Variants in RMND1 observed in about 807,000 individuals in gnomAD.
RMND1 encodes the protein required for meiotic nuclear division 1 homolog, also known as required for meiotic nuclear division protein 1 homolog.
RMND1 carries 41 observed loss-of-function variants against 54.0 expected under a neutral mutation model. That is an observed-to-expected ratio of 0.76 (90% CI 0.59 to 0.98). RMND1 has a LOEUF of 0.98. Among genes scored for constraint, RMND1 ranks in the 50% least tolerant of loss-of-function variants. The pLI, the probability that RMND1 is intolerant of heterozygous loss-of-function variation, is 0.00. For synonymous variants in RMND1, 183 were observed against 181.7 expected (o/e 1.01, Z -0.06); for missense variants, 457 against 532.0 (o/e 0.86, Z 1.39).
rs770737793 is a variant in RMND1 at position 151,450,726 on chromosome 6, A to C, written c.-15+1290T>G. On this transcript the variant is annotated intron_variant, in intron 1 of 11. Transcript: ENST00000444024. ...TACTCAACAGCTCATTGAGAACGGGACGGGATGACAATGGCGGTTTTGTGT... is the reference window on the plus strand; with the variant it reads ...TACTCAACAGCTCATTGAGAACGGGCCGGGATGACAATGGCGGTTTTGTGT... Among the ~76,000 whole-genome samples the C allele has an allele frequency of 2.1e-3, 326 of 151,760 alleles. 2 individuals carry two copies. Among genetic ancestry groups the C allele is most frequent in the Non-Finnish European group, 3.9e-3 (266 of 67,836 alleles).
At chr6:151,435,458 A>C (rs889600005) in intron 3 of RMND1, among the ~76,000 whole-genome samples, 1 of 151,830 alleles carries the variant, frequency 6.6e-6, no homozygotes, top group East Asian at 2.0e-4. Flanking sequence ...AATTATTTTT[A>C]ATTAATGTAA....
chr6:151,439,982 A>G (rs1780728952), intron 2 of RMND1, among the ~76,000 whole-genome samples: 1 of 151,866 alleles, frequency 6.6e-6, no homozygotes, highest in South Asian at 2.1e-4. Context: ...TTTGAGACGG[A>G]GTCTTCCTCT....
chr6:151,429,032 CTG>C (rs751941419), intron 5 of RMND1, among the ~76,000 whole-genome samples: 1 of 151,720 alleles, frequency 6.6e-6, no homozygotes, highest in Non-Finnish European at 1.5e-5. Context: ...CGACCACCTA[CTG>C]TGTGTGTTTC....
chr6:151,409,674 T>C (rs1419869818), intron 10 of RMND1, among the ~76,000 whole-genome samples: 7 of 152,116 alleles, frequency 4.6e-5, no homozygotes, highest in South Asian at 4.1e-4. Flanking sequence ...CGACGAGATA[T>C]GTAAATGAGG....
chr6:151,405,694 C>A (rs3757315), intron 11 of RMND1, 26 bp downstream of exon 11: 4 of 1,093,450 alleles, frequency 3.7e-6, no homozygotes, highest in Admixed American at 3.5e-5. Flanking sequence ...GGTAACTGAT[C>A]ATAGTACAGA....
chr6:151,436,878 A>G (rs542301347), intron 2 of RMND1: 4 of 160,534 alleles, frequency 2.5e-5, no homozygotes, highest in African/African-American at 1.1e-4. Flanking sequence ...AAGGCATCAC[A>G]TGGGTGACTG....
chr6:151,417,826 T>C (rs1286465413), intron 9 of RMND1, among the ~76,000 whole-genome samples: 1 of 151,864 alleles, frequency 6.6e-6, no homozygotes, highest in Non-Finnish European at 1.5e-5. Context: ...TTTTTTTTTT[T>C]TGAGACAGAG....
chr6:151,440,748 T>G (rs1280178068), intron 2 of RMND1, among the ~76,000 whole-genome samples: 1 of 152,214 alleles, frequency 6.6e-6, no homozygotes, highest in Non-Finnish European at 1.5e-5. Flanking sequence ...GACACTTTGT[T>G]TTGGTTTTGT....
At chr6:151,417,492 C>CTTTT in intron 9 of RMND1, 93 bp from the exon 10 acceptor site, 2 of 820,006 alleles carry the variant, frequency 2.4e-6, no homozygotes, top group East Asian at 3.5e-5. Context: ...TTTATGAAAA[C>CTTTT]TTTTTTTTTT....
In RMND1 at chr6:151,449,047, C is replaced by G. The variant is rs578129537; in HGVS notation, c.-15+2969G>C. Among the ~76,000 whole-genome samples the G allele has an allele frequency of 1.2e-4, 13 of 109,354 alleles. No individual in the cohort carries two copies. The East Asian group carries it at 3.8e-3, about 32-fold the overall frequency. The allele number at this position is 109,354 out of a possible 152,430, so 71.7% of individuals were successfully genotyped here. A position where few individuals can be genotyped will look rare whatever the true frequency, so the allele number is the denominator to read the frequency against. On this transcript the variant is annotated intron_variant, in intron 1 of 11. Transcript: ENST00000444024. ...CTGCACTCCAGAATGAGCAACAAAGCGAGACTCTGTCTCAAAAAAAAAAAA... is the reference window on the plus strand; with the variant it reads ...CTGCACTCCAGAATGAGCAACAAAGGGAGACTCTGTCTCAAAAAAAAAAAA...
chr6:151,412,293 C>T (rs567457451), intron 10 of RMND1, among the ~76,000 whole-genome samples: 488 of 152,126 alleles, frequency 3.2e-3, no homozygotes, highest in Middle Eastern at 0.014. Context: ...TGAGCCACCA[C>T]GACTGGCCAT....
At chr6:151,434,119 A>G (rs2114955494) in intron 3 of RMND1, among the ~76,000 whole-genome samples, 1 of 152,284 alleles carries the variant, frequency 6.6e-6, no homozygotes, top group East Asian at 1.9e-4. Flanking sequence ...AAAGTGCATT[A>G]CAAGCATGAG....
chr6:151,447,810 CTTTTTT>C (rs869136474), intron 1 of RMND1, among the ~76,000 whole-genome samples: 7 of 110,342 alleles, frequency 6.3e-5, no homozygotes, highest in Non-Finnish European at 1.1e-4. Flanking sequence ...TGAGTAAATT[CTTTTTT>C]TTTTTTTTTT....
At chr6:151,422,722 A>G (rs1360059836) in intron 7 of RMND1, 117 bp from the exon 8 acceptor site, 1 of 463,724 alleles carries the variant, frequency 2.2e-6, no homozygotes, top group African/African-American at 2.0e-5. Context: ...AAAAAGTACT[A>G]AAACCTTGAA....
At chr6:151,425,819 T>TA (rs1214762778) in intron 6 of RMND1, among the ~76,000 whole-genome samples, 1 of 152,210 alleles carries the variant, frequency 6.6e-6, no homozygotes, top group East Asian at 1.9e-4. Flanking sequence ...GGAAGGCACT[T>TA]ACTTAGAAAA....
intron 10 of RMND1, chr6:151,411,250 T>C (rs6921042): frequency 0.54 from 82,664 of 152,270 alleles, 25,099 homozygotes; most frequent in African/African-American, 0.82. Context: ...TGAGCCACCA[T>C]GCCCGGCCCT....
chr6:151,440,848 CT>C (rs1258606347), intron 2 of RMND1, among the ~76,000 whole-genome samples: 1 of 151,944 alleles, frequency 6.6e-6, no homozygotes, highest in Non-Finnish European at 1.5e-5. Context: ...ATTAAAGATG[CT>C]GTTGTTTTCT....
chr6:151,432,667 C>T (rs930103977), intron 4 of RMND1, among the ~76,000 whole-genome samples: 16 of 152,006 alleles, frequency 1.1e-4, no homozygotes, highest in Non-Finnish European at 2.2e-4. Context: ...AGTATTGAGT[C>T]GGCCTTTAGA....
At position 151,445,318 on chromosome 6, in the gene RMND1, G is replaced by C. The variant is rs755695991; in HGVS notation, c.494C>G (p.Ser165Cys). The change falls in exon 2 of 12, where the codon TCT becomes TGT. Residue 165 changes from serine (S) to cysteine (C), a missense_variant. Coordinates refer to ENST00000444024, the MANE Select transcript of RMND1 (RefSeq NM_017909.4). The stretch of plus-strand genomic sequence containing the variant: ...CCACCCCTACTTTACCTCGTTCACA[G>C]ACAGAACTGGAAGGTTGGTCCTGGA... The part of the protein sequence containing the change: ...QPSRTNLPVL[S>C]VNEDLMHCTA... 6 of 1,607,934 alleles carry C rather than the reference G, an allele frequency of 3.7e-6. No homozygotes were observed. Among genetic ancestry groups the C allele is most frequent in the Non-Finnish European group, 4.2e-6 (5 of 1,177,554 alleles).
Sources: allele counts gnomAD v4.1 joint callset (sites outside exome capture counted in the v4.1 genomes callset), GRCh38; gene constraint gnomAD v4.1.1; transcripts MANE v1.5; gene names NCBI Gene and HGNC (gene_info 2026-07-23, HGNC 2026-07-21).